ASTE1: variants seen among roughly 807,000 people sequenced by gnomAD.
ASTE1 encodes asteroid structure-specific endonuclease 1, also known as single-strand DNA endonuclease ASTE1.
Under a neutral mutation model 45.8 loss-of-function variants are expected in ASTE1, and 49 were observed. That is an observed-to-expected ratio of 1.07 (90% CI 0.85 to 1.36). The LOEUF (loss-of-function observed/expected upper bound fraction) is 1.36, where lower values mean the gene tolerates loss of function less well. Ranked by LOEUF, ASTE1 falls within the 40% of genes most tolerant of loss-of-function variation. ASTE1 has a pLI of 0.00. For missense variants in ASTE1, 709 were observed against 804.0 expected (o/e 0.88, Z 1.43); for synonymous variants, 296 against 303.9 (o/e 0.97, Z 0.27).
Position 131,025,260 on chromosome 3 carries a change from T to G in ASTE1, c.47A>C (p.Glu16Ala), listed in dbSNP as rs773955545. Residue 16 changes from glutamate to alanine, a missense_variant, in exon 3 of 6, where the codon GAG (glutamate) becomes GCG (alanine). By Grantham distance (107) the Glu-to-Ala change is moderately radical (BLOSUM62 -1). Transcript: ENST00000264992. ...CCGCAACTTCAAATCAGTGAAGAAC[T>G]CATTACTATGATCTTCCACAAAACT... ...LMSFVEDHSN[E>A]FFTDLKLRDT... is the part of the protein sequence containing the mutation. The G allele has an allele frequency of 6.2e-7, 1 of 1,614,012 alleles. No individual in the cohort carries two copies. Among genetic ancestry groups the G allele is most frequent in the East Asian group, 2.2e-5 (1 of 44,892 alleles).
chr3:131,020,340 T>C (rs1170882126), intron 3 of ASTE1, among the ~76,000 whole-genome samples: 2 of 152,334 alleles, frequency 1.3e-5, no homozygotes, highest in East Asian at 3.9e-4. Context: ...CTACTTTCCC[T>C]CTTCCCCAGG....
At position 131,025,260 on chromosome 3, in the gene ASTE1, T is replaced by A. The variant is rs773955545; in HGVS notation, c.47A>T (p.Glu16Val). Residue 16 changes from glutamate to valine, a missense_variant, in exon 3 of 6, where the codon GAG becomes GTG. Coordinates refer to ENST00000264992, the MANE Select transcript of ASTE1 (RefSeq NM_014065.4). Reference sequence around the variant, plus strand: ...CCGCAACTTCAAATCAGTGAAGAACTCATTACTATGATCTTCCACAAAACT... The same window carrying A: ...CCGCAACTTCAAATCAGTGAAGAACACATTACTATGATCTTCCACAAAACT... ...LMSFVEDHSN[E>V]FFTDLKLRDT... The A allele has an allele frequency of 3.1e-6, 5 of 1,614,130 alleles. No homozygotes were observed. In the South Asian group the frequency reaches 5.5e-5, roughly 18 times the overall value.
At position 131,025,271 on chromosome 3, in the gene ASTE1, A is replaced by G. The variant is rs759952141; in HGVS notation, c.36T>C (p.Asp12=). 3.1e-6 allele frequency: 5 copies of G among 1,614,012 alleles called. No homozygotes were observed. The highest frequency in any genetic ancestry group is 3.3e-5 in the Admixed American group (2 of 60,008). The change falls in exon 3 of 6, where the codon GAT becomes GAC. Residue 12 remains aspartate (D), a synonymous_variant. Coordinates refer to ENST00000264992, the MANE Select transcript of ASTE1 (RefSeq NM_014065.4). ...AATCAGTGAAGAACTCATTACTATG[A>G]TCTTCCACAAAACTCATTAGTCCTC... The part of the protein sequence containing the change: ...GIRGLMSFVE[D]HSNEFFTDLK...
intron 4 of ASTE1, chr3:131,016,676 T>A: frequency 2.9e-6 from 1 of 344,658 alleles, no homozygotes; most frequent in South Asian, 2.7e-5. Context: ...AAATGACTAT[T>A]AAATATTATT....
chr3:131,016,442 T>A, intron 4 of ASTE1, 103 bp from the exon 5 acceptor site: 2 of 1,287,554 alleles, frequency 1.6e-6, no homozygotes, highest in Non-Finnish European at 1.1e-6. Context: ...GAAATTAATT[T>A]AAAAAAACTA....
At chr3:131,014,467 C>T in intron 5 of ASTE1, 80 bp from the exon 6 acceptor site, 7 of 1,317,620 alleles carry the variant, frequency 5.3e-6, no homozygotes, top group South Asian at 1.5e-5. Context: ...ATAGCTTCAA[C>T]AAATGCATCT....
chr3:131,014,247 G>T lies in ASTE1; in HGVS notation c.1850C>A (p.Ala617Asp). The change falls in exon 6 of 6, where the codon GCT becomes GAT. Residue 617 changes from alanine (A) to aspartate (D), a missense_variant. By Grantham distance (126) the Ala-to-Asp change is moderately radical (BLOSUM62 -2). Transcript: ENST00000264992. Reference sequence around the variant, plus strand: ...TCTACCTTTTGGTAGGAATATTTCAGCGGGGGCATATGACCTTGTGGCATT... The same window carrying T: ...TCTACCTTTTGGTAGGAATATTTCATCGGGGGCATATGACCTTGTGGCATT... Reference protein sequence around the residue: ...LFNATRSYAPAEIFLPKGRSN... With the variant: ...LFNATRSYAPDEIFLPKGRSN... 3 of 1,613,590 alleles carry T rather than the reference G, an allele frequency of 1.9e-6. No individual in the cohort carries two copies. Among genetic ancestry groups the T allele is most frequent in the Non-Finnish European group, 2.5e-6 (3 of 1,179,946 alleles).
intron 4 of ASTE1, 23 bp from the exon 5 acceptor site, chr3:131,016,362 G>A: frequency 6.2e-7 from 1 of 1,613,596 alleles, no homozygotes; most frequent in Non-Finnish European, 8.5e-7. Flanking sequence ...ACAGCCCAAG[G>A]GCAGTATTTC....
At position 131,024,188 on chromosome 3, in the gene ASTE1, C is replaced by T; in HGVS notation, c.1119G>A (p.Arg373=). ...PNAHRISQPI[R]QIIYGLLLNA... ...TTAAAAGAAGCCCATAGATGATTTG[C>T]CTGATGGGCTGAGATATTCTGTGGG... Residue 373 remains arginine, a synonymous_variant, in exon 3 of 6, where the codon AGG becomes AGA. Coordinates refer to ENST00000264992, the MANE Select transcript of ASTE1 (RefSeq NM_014065.4). 1.2e-6 allele frequency: 2 copies of T among 1,614,146 alleles called. No homozygotes were observed. Among genetic ancestry groups the T allele is most frequent in the Middle Eastern group, 3.3e-4 (2 of 6,062 alleles).
At chr3:131,021,659 AC>A (rs1364814236) in intron 3 of ASTE1, among the ~76,000 whole-genome samples, 1 of 152,132 alleles carries the variant, frequency 6.6e-6, no homozygotes, top group East Asian at 1.9e-4. Context: ...TTATTTGGGC[AC>A]TTTACTGTGT....
In ASTE1 at chr3:131,025,817, T is replaced by A. The variant is rs140082614; in HGVS notation, c.-146-223A>T. ...AGGTGTGTAGGACCTATGATAAGGA[T>A]CAAGTTTTTCTTTTGTATTGACAAT... On this transcript the variant is annotated intron_variant, in intron 1 of 5. Transcript: ENST00000264992. Among the ~76,000 whole-genome samples the A allele has an allele frequency of 1.9e-4, 29 of 152,358 alleles. No homozygotes were observed. The East Asian group carries it at 5.6e-3, about 29-fold the overall frequency.
At position 131,018,574 on chromosome 3, in the gene ASTE1, A is replaced by G. The variant is rs1198960414; in HGVS notation, c.1445T>C (p.Leu482Pro). 6.2e-7 allele frequency: 1 copy of G among 1,613,984 alleles called. No homozygotes were observed. The highest frequency in any genetic ancestry group is 8.5e-7 in the Non-Finnish European group (1 of 1,179,990). ...WLQHTETKAKLHHLQSLLLTM... is the reference protein window; with the variant it reads ...WLQHTETKAKPHHLQSLLLTM... ...GAGCAGTAAGGATTGTAGATGATGT[A>G]GCTTTGCTTTGGTCTCGGTGTGCTG... Residue 482 changes from leucine (L) to proline (P), a missense_variant, in exon 4 of 6, where the codon CTA (leucine) becomes CCA (proline). By Grantham distance (98) the Leu-to-Pro change is moderately conservative. Coordinates refer to ENST00000264992, the MANE Select transcript of ASTE1 (RefSeq NM_014065.4).
At chr3:131,022,504 T>TTTTC (rs1193564992) in intron 3 of ASTE1, among the ~76,000 whole-genome samples, 1 of 150,972 alleles carries the variant, frequency 6.6e-6, no homozygotes, top group Non-Finnish European at 1.5e-5. Flanking sequence ...TTTTTTTTTT[T>TTTTC]AGTAGAGACA....
At chr3:131,015,864 C>A in intron 5 of ASTE1, 1 of 503,064 alleles carries the variant, frequency 2.0e-6, no homozygotes, top group Non-Finnish European at 3.6e-6. Flanking sequence ...CAATGATTGC[C>A]TCCCCTCTCC....
At chr3:131,017,987 AAAAAAAAAAG>A (rs892585678) in intron 4 of ASTE1, among the ~76,000 whole-genome samples, 8 of 150,764 alleles carry the variant, frequency 5.3e-5, no homozygotes, top group African/African-American at 1.2e-4. Flanking sequence ...AAAAAAAAAA[AAAAAAAAAAG>A]GACAAATTAC....
At chr3:131,015,766 A>G (rs1358147218) in intron 5 of ASTE1, among the ~76,000 whole-genome samples, 1 of 152,198 alleles carries the variant, frequency 6.6e-6, no homozygotes, top group Non-Finnish European at 1.5e-5. Context: ...GAGGGTAGAC[A>G]GTGTGTCTCA....
intron 3 of ASTE1, 42 bp downstream of exon 3, chr3:131,023,963 A>T: frequency 6.5e-7 from 1 of 1,528,036 alleles, no homozygotes; most frequent in Non-Finnish European, 8.8e-7. Context: ...TGTATCCTGT[A>T]AAGTACTTTA....
intron 4 of ASTE1, among the ~76,000 whole-genome samples, chr3:131,018,204 A>G (rs957722347): frequency 3.7e-4 from 57 of 152,174 alleles, no homozygotes; most frequent in Non-Finnish European, 1.6e-4. Flanking sequence ...CTGGCAAAAT[A>G]CACTGTCACA....
At chr3:131,020,421 T>G (rs751054787) in intron 3 of ASTE1, among the ~76,000 whole-genome samples, 8 of 152,210 alleles carry the variant, frequency 5.3e-5, no homozygotes, top group Admixed American at 2.0e-4. Flanking sequence ...AGACTGGTCT[T>G]GGCTGCCTTA....
Sources: gnomAD v4.1 joint callset for allele counts (sites outside exome capture counted in the v4.1 genomes callset) on GRCh38, gnomAD v4.1.1 for gene constraint, MANE v1.5 for transcripts, NCBI Gene and HGNC (gene_info 2026-07-23, HGNC 2026-07-21) for gene names.